Variants in CPED1 observed in about 807,000 individuals in gnomAD.
CPED1 encodes the protein cadherin like and PC-esterase domain containing 1, also known as cadherin-like and PC-esterase domain-containing protein 1.
In CPED1, 114 loss-of-function variants were observed where a neutral mutation model predicts 128.2. That is an observed-to-expected ratio of 0.89 (90% confidence interval 0.76 to 1.04). CPED1 has a LOEUF of 1.04. Ranked by LOEUF, CPED1 falls within the 50% of genes least tolerant of loss-of-function variation. The pLI, the probability that CPED1 is intolerant of heterozygous loss-of-function variation, is 0.00. For missense variants in CPED1, 1,211 were observed against 1,207.1 expected (o/e 1.00, Z -0.05); for synonymous variants, 462 against 426.7 (o/e 1.08, Z -1.02).
intron 11 of CPED1, among the ~76,000 whole-genome samples, chr7:121,129,681 A>G (rs545597730): frequency 6.6e-5 from 10 of 152,070 alleles, no homozygotes; most frequent in African/African-American, 2.4e-4. Context: ...AGAGAAAGAG[A>G]AAATTCCAAT....
In CPED1 at chr7:121,062,194, A is replaced by G. The variant is rs142966503; in HGVS notation, c.541-2044A>G. ...GAGTCAGTCCATAACCTTTAATGCTACTTACCCAGTGCTGATTCTCTTTCT... is the reference window on the plus strand; with the variant it reads ...GAGTCAGTCCATAACCTTTAATGCTGCTTACCCAGTGCTGATTCTCTTTCT... On this transcript the variant is annotated intron_variant, in intron 4 of 22. Coordinates refer to ENST00000310396, the MANE Select transcript of CPED1 (RefSeq NM_024913.5). Among the ~76,000 whole-genome samples, 274 of 152,288 alleles carry G rather than the reference A, an allele frequency of 1.8e-3. 2 individuals carry two copies. The highest frequency in any genetic ancestry group is 0.017 in the Middle Eastern group (5 of 294).
At position 121,004,264 on chromosome 7, in the gene CPED1, C is replaced by T. The variant is rs114887276; in HGVS notation, c.250-11401C>T. On this transcript the variant is annotated intron_variant, in intron 2 of 22. Transcript: ENST00000310396. ...GGGGAGAAGGCAGGAGCCAGAGATG[C>T]TATGCATGGGATTGACAATGTTAAA... Among the ~76,000 whole-genome samples the T allele has an allele frequency of 1.9e-3, 286 of 152,278 alleles. 2 individuals are homozygous for T. The highest frequency in any genetic ancestry group is 6.6e-3 in the African/African-American group (274 of 41,560).
intron 5 of CPED1, among the ~76,000 whole-genome samples, chr7:121,068,257 T>G (rs898442141): frequency 6.6e-6 from 1 of 152,216 alleles, no homozygotes; most frequent in African/African-American, 2.4e-5. Flanking sequence ...GGTCTAACAT[T>G]TAAGTCTTTA....
chr7:121,254,578 A>C (rs1337980619), intron 18 of CPED1, among the ~76,000 whole-genome samples: 1 of 152,066 alleles, frequency 6.6e-6, no homozygotes, highest in Non-Finnish European at 1.5e-5. Context: ...ACTGAACAAA[A>C]CAGAGATGTA....
intron 5 of CPED1, among the ~76,000 whole-genome samples, chr7:121,082,071 T>TG (rs1794308692): frequency 6.6e-6 from 1 of 152,194 alleles, no homozygotes; most frequent in African/African-American, 2.4e-5. Flanking sequence ...TCAGGAATCC[T>TG]ATGGCCCAGG....
At chr7:121,010,591 C>T (rs1489449698) in intron 2 of CPED1, among the ~76,000 whole-genome samples, 2 of 152,148 alleles carry the variant, frequency 1.3e-5, no homozygotes, top group Admixed American at 1.3e-4. Flanking sequence ...TTTTTTATCT[C>T]TCTTATTTGT....
At chr7:121,042,910 T>C (rs1020262287) in intron 3 of CPED1, among the ~76,000 whole-genome samples, 17 of 152,196 alleles carry the variant, frequency 1.1e-4, no homozygotes, top group Non-Finnish European at 2.4e-4. Context: ...GAGTTGTCCT[T>C]TTCCCCATGC....
intron 2 of CPED1, among the ~76,000 whole-genome samples, chr7:121,004,600 A>T (rs1791957158): frequency 6.6e-6 from 1 of 152,158 alleles, no homozygotes; most frequent in Non-Finnish European, 1.5e-5. Flanking sequence ...CTGAGGTCAC[A>T]AACTGGGCAG....
chr7:121,165,732 C>T (rs536956332), intron 16 of CPED1, among the ~76,000 whole-genome samples: 1 of 152,112 alleles, frequency 6.6e-6, no homozygotes, highest in African/African-American at 2.4e-5. Flanking sequence ...TACTTTTCTT[C>T]TTTTTGGCAT....
At chr7:121,028,209 A>G (rs2116851046) in intron 3 of CPED1, among the ~76,000 whole-genome samples, 1 of 152,256 alleles carries the variant, frequency 6.6e-6, no homozygotes, top group East Asian at 1.9e-4. Context: ...GGCAGGTTAA[A>G]AATTTGGATT....
At chr7:121,094,471 T>C (rs1011244072) in intron 5 of CPED1, among the ~76,000 whole-genome samples, 6 of 152,234 alleles carry the variant, frequency 3.9e-5, no homozygotes, top group African/African-American at 1.4e-4. Context: ...AAAATGTTTT[T>C]AATTCATTGG....
At chr7:121,081,871 CTG>C (rs901061361) in intron 5 of CPED1, among the ~76,000 whole-genome samples, 3 of 152,200 alleles carry the variant, frequency 2.0e-5, no homozygotes, top group African/African-American at 7.2e-5. Context: ...ATGTCAAACA[CTG>C]TGTCAGGCAC....
chr7:121,163,482 T>A (rs991308494), intron 16 of CPED1, among the ~76,000 whole-genome samples: 3 of 152,182 alleles, frequency 2.0e-5, no homozygotes, highest in Non-Finnish European at 4.4e-5. Context: ...CTGGACACAC[T>A]CTCTTCTCCA....
At chr7:121,166,552 A>G (rs2116451351) in intron 16 of CPED1, among the ~76,000 whole-genome samples, 1 of 152,304 alleles carries the variant, frequency 6.6e-6, no homozygotes, top group Middle Eastern at 3.4e-3. Context: ...TTTCTTTGAT[A>G]ATAAACTGAA....
chr7:121,197,118 CTTTT>C (rs33936909), intron 16 of CPED1, among the ~76,000 whole-genome samples: 8 of 128,406 alleles, frequency 6.2e-5, no homozygotes, highest in African/African-American at 8.6e-5. Context: ...TAAAAATAAT[CTTTT>C]TTTTTTTTTT....
chr7:121,247,630 C>A (rs1584629166), intron 18 of CPED1, among the ~76,000 whole-genome samples: 1 of 152,160 alleles, frequency 6.6e-6, no homozygotes, highest in African/African-American at 2.4e-5. Context: ...AACTGTGGGA[C>A]TACCCACACT....
intron 14 of CPED1, among the ~76,000 whole-genome samples, chr7:121,138,332 C>G (rs1344745607): frequency 2.0e-5 from 3 of 152,044 alleles, no homozygotes; most frequent in Admixed American, 2.0e-4. Context: ...GTGCTGGGTT[C>G]TCCGTAGATC....
At chr7:121,202,754 G>C (rs1028429943) in intron 16 of CPED1, among the ~76,000 whole-genome samples, 2 of 152,142 alleles carry the variant, frequency 1.3e-5, no homozygotes, top group East Asian at 1.9e-4. Context: ...AGTATTTGTT[G>C]AGTAAATTAA....
intron 16 of CPED1, among the ~76,000 whole-genome samples, chr7:121,163,981 C>G (rs1430254564): frequency 1.3e-5 from 2 of 152,198 alleles, no homozygotes; most frequent in Non-Finnish European, 2.9e-5. Context: ...TTTAAAACCT[C>G]AATAATCTAA....
Sources: allele counts gnomAD v4.1 joint callset (sites outside exome capture counted in the v4.1 genomes callset), GRCh38; gene constraint gnomAD v4.1.1; transcripts MANE v1.5; gene names NCBI Gene and HGNC (gene_info 2026-07-23, HGNC 2026-07-21).